ZNF142: variants seen among roughly 807,000 people sequenced by gnomAD.
The protein encoded by ZNF142 is zinc finger protein 142.
A neutral mutation model predicts 132.1 loss-of-function variants in ZNF142; 96 were observed. That is an observed-to-expected ratio of 0.73 (90% CI 0.62 to 0.86). The LOEUF (loss-of-function observed/expected upper bound fraction) is 0.86, where lower values mean the gene tolerates loss of function less well. Ranked by LOEUF, ZNF142 falls within the 40% of genes least tolerant of loss-of-function variation. The pLI is 0.00. For synonymous variants in ZNF142, 842 were observed against 890.1 expected (o/e 0.95, Z 0.96); for missense variants, 2,163 against 2,336.2 (o/e 0.93, Z 1.53).
In ZNF142 at chr2:218,636,408, T is replaced by TG; in HGVS notation, c.*1930dup. 1 of 1,614,018 alleles carries TG rather than the reference T, an allele frequency of 6.2e-7. No individual in the cohort carries two copies. Among genetic ancestry groups the TG allele is most frequent in the African/African-American group, 1.3e-5 (1 of 75,068 alleles). The stretch of plus-strand genomic sequence containing the variant: ...ATGCAACAAGGTGAGCCAGCCCCTT[T>TG]GGCCCCTGGCCAATACCCCAGCTCT... On this transcript the variant is annotated 3_prime_UTR_variant, in exon 11 of 11. Transcript: ENST00000411696.
At chr2:218,650,911 T>A (rs1937923217) in intron 5 of ZNF142, among the ~76,000 whole-genome samples, 1 of 152,192 alleles carries the variant, frequency 6.6e-6, no homozygotes, top group African/African-American at 2.4e-5. Context: ...TCTCTCATGC[T>A]TTTTTGGGAC....
Position 218,642,682 on chromosome 2 carries a change from G to C in ZNF142, c.4434C>G (p.Ser1478Arg). 1 of 1,614,146 alleles carries C rather than the reference G, an allele frequency of 6.2e-7. No individual in the cohort carries two copies. The highest frequency in any genetic ancestry group is 8.5e-7 in the Non-Finnish European group (1 of 1,180,040). ...LRHDITRHVN[S>R]CHQGTPAFAC... ...CAAAGGCTGGGGTGCCTTGGTGGCAGCTGTTGACATGACGAGTGATGTCAT... is the reference window on the plus strand; with the variant it reads ...CAAAGGCTGGGGTGCCTTGGTGGCACCTGTTGACATGACGAGTGATGTCAT... The change falls in exon 9 of 11, where the codon AGC (serine) becomes AGG (arginine). Residue 1478 changes from serine to arginine, a missense_variant. Around this residue, in one of 7 missense-constraint regions of ZNF142, gnomAD observed 809 missense variants for 801.7 expected, o/e 1.01. Coordinates refer to ENST00000411696, the MANE Select transcript of ZNF142 (RefSeq NM_001379659.1). This position sits in a 1 kb window ranked among gnomAD's most constrained non-coding sequence, Gnocchi z 4.6.
At position 218,643,154 on chromosome 2, in the gene ZNF142, G is replaced by C; in HGVS notation, c.3962C>G (p.Thr1321Ser). ...GAGGGGGCAGCCCCGGATCTGGTGA[G>C]TCCTCAGAGCCCGTTCCTGCTGGCA... ...FSCQQERALR[T>S]HQIRGCPLEE... Residue 1321 changes from threonine to serine, a missense_variant, in exon 9 of 11, where the codon ACT (threonine) becomes AGT (serine). By Grantham distance (58) the Thr-to-Ser change is moderately conservative (BLOSUM62 1). This residue lies in a region of ZNF142 where 809 missense variants were observed against 801.7 expected (regional missense o/e 1.01). Transcript: ENST00000411696. 1 of 1,614,232 alleles carries C rather than the reference G, an allele frequency of 6.2e-7. No individual in the cohort carries two copies. The highest frequency in any genetic ancestry group is 8.5e-7 in the Non-Finnish European group (1 of 1,180,032).
rs574781541 is a variant in ZNF142 at position 218,642,719 on chromosome 2, C to G, written c.4397G>C (p.Gly1466Ala). The G allele has an allele frequency of 2.5e-6, 4 of 1,614,142 alleles. No individual in the cohort carries two copies. The Admixed American group carries it at 6.7e-5, about 27-fold the overall frequency. ...THFCPLCDYSGYLRHDITRHV... is the reference protein window; with the variant it reads ...THFCPLCDYSAYLRHDITRHV... ...ACGAGTGATGTCATGGCGAAGGTAG[C>G]CACTATAGTCACAAAGTGGACAGAA... The change falls in exon 9 of 11, where the codon GGC becomes GCC. Residue 1466 changes from glycine to alanine, a missense_variant. This residue lies in a region of ZNF142 where 809 missense variants were observed against 801.7 expected (regional missense o/e 1.01). Transcript: ENST00000411696. The surrounding 1 kb of genome is among the most constrained non-coding windows in gnomAD (Gnocchi z 4.6).
At chr2:218,641,324 G>C (rs1420420615) in intron 9 of ZNF142, among the ~76,000 whole-genome samples, 1 of 146,840 alleles carries the variant, frequency 6.8e-6, no homozygotes, top group Admixed American at 7.1e-5. Flanking sequence ...TCGGCTCACT[G>C]CAAGTTCTGC....
At chr2:218,641,277 C>T (rs1277369069) in intron 9 of ZNF142, among the ~76,000 whole-genome samples, 12 of 135,048 alleles carry the variant, frequency 8.9e-5, no homozygotes, top group Admixed American at 1.6e-4. Flanking sequence ...GATGGAGTCT[C>T]GCTGTGTCGC....
chr2:218,636,532 T>C lies in ZNF142; in HGVS notation c.*1807A>G. The C allele has an allele frequency of 1.2e-6, 2 of 1,613,976 alleles. No homozygotes were observed. Among genetic ancestry groups the C allele is most frequent in the East Asian group, 2.2e-5 (1 of 44,864 alleles). On this transcript the variant is annotated 3_prime_UTR_variant, in exon 11 of 11. Coordinates refer to ENST00000411696, the MANE Select transcript of ZNF142 (RefSeq NM_001379659.1). The stretch of plus-strand genomic sequence containing the variant: ...TCAGCCTCCGCCCAGCTTCCATCTT[T>C]GTGTATATCTGCATCCAGGAAGGCC...
At position 218,642,724 on chromosome 2, in the gene ZNF142, A is replaced by G. The variant is rs753949945; in HGVS notation, c.4392T>C (p.Tyr1464=). The G allele has an allele frequency of 9.3e-6, 15 of 1,614,232 alleles. No homozygotes were observed. In the South Asian group the frequency reaches 1.5e-4, roughly 17 times the overall value. The change falls in exon 9 of 11, where the codon TAT becomes TAC. Residue 1464 remains tyrosine (Y), a synonymous_variant. Coordinates refer to ENST00000411696, the MANE Select transcript of ZNF142 (RefSeq NM_001379659.1). The surrounding 1 kb of genome is among the most constrained non-coding windows in gnomAD (Gnocchi z 4.6). The part of the protein sequence containing the change: ...TPTHFCPLCD[Y]SGYLRHDITR... ...TGATGTCATGGCGAAGGTAGCCACT[A>G]TAGTCACAAAGTGGACAGAAGTGGG... is the stretch of plus-strand genomic sequence containing the variant.
In ZNF142 at chr2:218,637,419, T is replaced by C. The variant is rs549256660; in HGVS notation, c.*920A>G. Among the ~76,000 whole-genome samples, 9 of 152,230 alleles carry C rather than the reference T, an allele frequency of 5.9e-5. No individual in the cohort carries two copies. Among genetic ancestry groups the C allele is most frequent in the Non-Finnish European group, 1.3e-4 (9 of 68,044 alleles). On this transcript the variant is annotated 3_prime_UTR_variant, in exon 11 of 11. Coordinates refer to ENST00000411696, the MANE Select transcript of ZNF142 (RefSeq NM_001379659.1). ...GGCTGGAACCATCCTGGTTTATGTC[T>C]GTTGTCCCAGCATAATTATTAATAG...
Position 218,650,407 on chromosome 2 carries a change from C to A in ZNF142, c.1000G>T (p.Asp334Tyr). Residue 334 changes from aspartate (D) to tyrosine (Y), a missense_variant, in exon 6 of 11, where the codon GAC becomes TAC. Asp to Tyr is a radical substitution (Grantham distance 160). Around this residue, in one of 7 missense-constraint regions of ZNF142, gnomAD observed 749 missense variants for 830.3 expected, o/e 0.90. Transcript: ENST00000411696. ...CCTTTATCCACAGCCTTTTGGGAGT[C>A]CTTCTGGGTGTCACTCTTCTCTTCT... Reference protein sequence around the residue: ...EKEEKSDTQKDSQKAVDKGQG... With the variant: ...EKEEKSDTQKYSQKAVDKGQG... 2 of 1,614,194 alleles carry A rather than the reference C, an allele frequency of 1.2e-6. No individual in the cohort carries two copies. The highest frequency in any genetic ancestry group is 1.7e-6 in the Non-Finnish European group (2 of 1,180,034).
chr2:218,644,385 G>T lies in ZNF142; in HGVS notation c.2731C>A (p.Pro911Thr), dbSNP rs764168738. The change falls in exon 9 of 11, where the codon CCC (proline) becomes ACC (threonine). Residue 911 changes from proline to threonine, a missense_variant. Coordinates refer to ENST00000411696, the MANE Select transcript of ZNF142 (RefSeq NM_001379659.1). This position sits in a 1 kb window ranked among gnomAD's most constrained non-coding sequence, Gnocchi z 4.6. ...GCTGTTTCAGTGACCTCCTCAAGGG[G>T]TGGCTCAGTCACAGACTCCAGCTCT... ...GVELESVTEP[P>T]LEEVTETAPM... The T allele has an allele frequency of 3.1e-6, 5 of 1,614,104 alleles. No individual in the cohort carries two copies. The highest frequency in any genetic ancestry group is 4.5e-5 in the East Asian group (2 of 44,862).
Position 218,634,872 on chromosome 2 carries a change from C to T in ZNF142, c.*3467G>A, listed in dbSNP as rs1696621996. ...CTGCAAAATAGGGGTAACACTACCA[C>T]CTGCCTCACAGGGTTATAAGGAGTA... On this transcript the variant is annotated 3_prime_UTR_variant, in exon 11 of 11. Coordinates refer to ENST00000411696, the MANE Select transcript of ZNF142 (RefSeq NM_001379659.1). The surrounding 1 kb of genome is among the most constrained non-coding windows in gnomAD (Gnocchi z 4.0). Among the ~76,000 whole-genome samples the T allele has an allele frequency of 6.6e-6, 1 of 152,198 alleles. No individual in the cohort carries two copies. The highest frequency in any genetic ancestry group is 2.4e-5 in the African/African-American group (1 of 41,450).
chr2:218,656,531 G>T, intron 3 of ZNF142, 68 bp from the exon 4 acceptor site: 1 of 1,241,822 alleles, frequency 8.1e-7, no homozygotes, highest in Non-Finnish European at 1.1e-6. Flanking sequence ...GCTGGCGTGG[G>T]TACACAGCCC....
chr2:218,640,830 TA>T (rs1173415768), intron 9 of ZNF142, 61 bp from the exon 10 acceptor site: 15 of 1,359,354 alleles, frequency 1.1e-5, no homozygotes, highest in Non-Finnish European at 1.6e-5. Context: ...TGTTAGCTGT[TA>T]TTATCCAGGT....
In ZNF142 at chr2:218,638,479, T is replaced by C. The variant is rs979727406; in HGVS notation, c.5524A>G (p.Arg1842Gly). 1.3e-6 allele frequency: 2 copies of C among 1,598,902 alleles called. No individual in the cohort carries two copies. Among genetic ancestry groups the C allele is most frequent in the Non-Finnish European group, 1.7e-6 (2 of 1,170,168 alleles). The change falls in exon 11 of 11, where the codon AGG (arginine) becomes GGG (glycine). Residue 1842 changes from arginine to glycine, a missense_variant. Arg to Gly is a moderately radical substitution (Grantham distance 125). This residue lies in a region of ZNF142 where 325 missense variants were observed against 367.8 expected (regional missense o/e 0.88). Transcript: ENST00000411696. ...GGGTCGGCTTGGTCAGGGTGGTGCC[T>C]GCGTACGTGCTTGACCACCTGGAAC... The part of the protein sequence containing the change: ...QKFQVVKHVR[R>G]HHPDQADPNQ...
Position 218,642,866 on chromosome 2 carries a change from G to A in ZNF142, c.4250C>T (p.Ala1417Val). The A allele has an allele frequency of 6.2e-7, 1 of 1,614,148 alleles. No homozygotes were observed. The highest frequency in any genetic ancestry group is 1.1e-5 in the South Asian group (1 of 91,086). ...AATGCCTGTGTGTCGGGACTGGTGA[G>A]CCTCTAACCGGTACCGTCTGGTGGT... The part of the protein sequence containing the change: ...FSTTRRYRLE[A>V]HQSRHTGIGR... The change falls in exon 9 of 11, where the codon GCT becomes GTT. Residue 1417 changes from alanine to valine, a missense_variant. Physicochemically the swap from Ala to Val is moderately conservative, Grantham distance 64. Transcript: ENST00000411696. The surrounding 1 kb of genome is among the most constrained non-coding windows in gnomAD (Gnocchi z 4.6).
At chr2:218,654,167 C>T (rs994136141) in intron 4 of ZNF142, among the ~76,000 whole-genome samples, 1 of 152,126 alleles carries the variant, frequency 6.6e-6, no homozygotes, top group African/African-American at 2.4e-5. Context: ...CTTGCTCTGG[C>T]CACTGTAATT....
Position 218,638,420 on chromosome 2 carries a change from G to C in ZNF142, c.5583C>G (p.Pro1861=), listed in dbSNP as rs1696884645. The C allele has an allele frequency of 6.4e-7, 1 of 1,558,194 alleles. No homozygotes were observed. The highest frequency in any genetic ancestry group is 8.7e-7 in the Non-Finnish European group (1 of 1,146,740). The change falls in exon 11 of 11, where the codon CCC becomes CCG. Residue 1861 remains proline (P), a synonymous_variant. Transcript: ENST00000411696. ...GCTGCACATCATGCAGGTGCACTGT[G>C]GGGGTGGTGGGGTCTTTGCCCACAC... The part of the protein sequence containing the change: ...NQGVGKDPTT[P]TVHLHDVQLE...
In ZNF142 at chr2:218,643,021, A is replaced by G. The variant is rs1203977275; in HGVS notation, c.4095T>C (p.Arg1365=). 6.2e-7 allele frequency: 1 copy of G among 1,603,424 alleles called. No homozygotes were observed. Among genetic ancestry groups the G allele is most frequent in the East Asian group, 2.2e-5 (1 of 44,492 alleles). Residue 1365 remains arginine (R), a synonymous_variant, in exon 9 of 11, where the codon CGT becomes CGC. Coordinates refer to ENST00000411696, the MANE Select transcript of ZNF142 (RefSeq NM_001379659.1). ...CACACTGTAGATGGGGCCGGGGCCCACGGGCTGGGGCTGCAGTGGGGTGCC... is the reference window on the plus strand; with the variant it reads ...CACACTGTAGATGGGGCCGGGGCCCGCGGGCTGGGGCTGCAGTGGGGTGCC... ...KRRHPTAAPA[R]GPRPHLQCGD...
Sources: allele counts gnomAD v4.1 joint callset (sites outside exome capture counted in the v4.1 genomes callset), GRCh38; gene constraint gnomAD v4.1.1; regional missense constraint gnomAD v4.1.1; non-coding constraint Gnocchi (gnomAD v3.1); transcripts MANE v1.5; gene names NCBI Gene and HGNC (gene_info 2026-07-23, HGNC 2026-07-21).